The following PDE4D variants were observed in gnomAD, a reference collection of about 807,000 sequenced individuals.
The protein encoded by PDE4D is phosphodiesterase 4D.
Under a neutral mutation model 87.4 loss-of-function variants are expected in PDE4D, and 24 were observed. That is an observed-to-expected ratio of 0.27 (90% CI 0.20 to 0.39). The LOEUF (loss-of-function observed/expected upper bound fraction) is 0.39. PDE4D is among the 10% of genes least tolerant of loss of function. The probability of loss-of-function intolerance (pLI) is 1.00; values close to 1 mark genes in which losing one functional copy is unlikely to be tolerated. For synonymous variants in PDE4D, 384 were observed against 383.2 expected, an observed-to-expected ratio of 1.00 and a Z score of -0.02; for missense variants, 714 against 1,041.0, an observed-to-expected ratio of 0.69 and a Z score of 4.32.
intron 1 of PDE4D, among the ~76,000 whole-genome samples, chr5:60,330,583 A>G (rs908064358): frequency 2.6e-5 from 4 of 152,176 alleles, no homozygotes; most frequent in African/African-American, 9.7e-5. Context: ...TGGAAGAACT[A>G]CAGCCCAGAC....
rs896185785 is a variant in PDE4D at position 59,530,766 on chromosome 5, G to A, written c.456-314798C>T. 1.2e-4 allele frequency among the ~76,000 whole-genome samples: 19 copies of A among 152,246 alleles called. No homozygotes were observed. The South Asian group carries it at 3.5e-3, about 28-fold the overall frequency. On this transcript the variant is annotated intron_variant, in intron 1 of 14. Transcript: ENST00000340635. ...GTTTTTATTTATTTAGCATATGTAA[G>A]CCGGTCTCTAATAACAAAATAATTA...
intron 1 of PDE4D, among the ~76,000 whole-genome samples, chr5:59,832,863 C>T (rs549028045): frequency 6.6e-6 from 1 of 152,044 alleles, no homozygotes; most frequent in East Asian, 1.9e-4. Context: ...CTAGAAAAAG[C>T]TTTAATTTCA....
intron 2 of PDE4D, among the ~76,000 whole-genome samples, chr5:60,122,566 T>A (rs891776241): frequency 3.0e-4 from 45 of 152,188 alleles, no homozygotes; most frequent in African/African-American, 1.1e-3. Context: ...ACAGCTGGAG[T>A]GGCTGGGATG....
At chr5:59,825,279 G>A (rs751135384) in intron 1 of PDE4D, among the ~76,000 whole-genome samples, 3 of 152,126 alleles carry the variant, frequency 2.0e-5, no homozygotes, top group Non-Finnish European at 4.4e-5. Flanking sequence ...TAAGTAAAGG[G>A]TTAGCATCAG....
chr5:59,014,249 C>CCTT (rs529220144), intron 6 of PDE4D, among the ~76,000 whole-genome samples: 29 of 152,248 alleles, frequency 1.9e-4, no homozygotes, highest in Middle Eastern at 3.4e-3. Context: ...GACAGGGATG[C>CCTT]CTTCTCTCAC....
chr5:59,150,247 C>A (rs1779288359), intron 5 of PDE4D, among the ~76,000 whole-genome samples: 1 of 152,136 alleles, frequency 6.6e-6, no homozygotes. Context: ...AGTATCACTG[C>A]AAACTGAGCA....
At chr5:60,066,053 A>C (rs528703351) in intron 2 of PDE4D, among the ~76,000 whole-genome samples, 33 of 152,334 alleles carry the variant, frequency 2.2e-4, no homozygotes, top group African/African-American at 7.9e-4. Flanking sequence ...TCCCACCAAC[A>C]GTGTAAAAGT....
At chr5:59,930,968 G>A (rs1755843926) in intron 3 of PDE4D, among the ~76,000 whole-genome samples, 1 of 152,100 alleles carries the variant, frequency 6.6e-6, no homozygotes, top group Non-Finnish European at 1.5e-5. Flanking sequence ...TACAGTGATT[G>A]TAATAAAAAT....
chr5:59,483,421 T>G (rs1436638127), intron 1 of PDE4D, among the ~76,000 whole-genome samples: 1 of 152,160 alleles, frequency 6.6e-6, no homozygotes, highest in East Asian at 1.9e-4. Flanking sequence ...TGGAATTCCA[T>G]AAAAAATAAT....
At position 60,353,948 on chromosome 5, in the gene PDE4D, CT is replaced by C. The variant is rs1759405862; in HGVS notation, c.-90+133993del. Among the ~76,000 whole-genome samples, 4 of 152,060 alleles carry C rather than the reference CT, an allele frequency of 2.6e-5. No homozygotes were observed. The South Asian group carries it at 8.3e-4, about 31-fold the overall frequency. ...CATTCACGGGATCATATTTAAGCAGCTACTGCATGAATGCTTACTTATAAGA... is the reference window on the plus strand; with the variant it reads ...CATTCACGGGATCATATTTAAGCAGCACTGCATGAATGCTTACTTATAAGA... On this transcript the variant is annotated intron_variant, in intron 1 of 16. Transcript: ENST00000502484.
intron 2 of PDE4D, among the ~76,000 whole-genome samples, chr5:60,080,331 G>A (rs1397004858): frequency 6.6e-6 from 1 of 152,184 alleles, no homozygotes; most frequent in African/African-American, 2.4e-5. Flanking sequence ...TACAAACAGA[G>A]ACAATTTGAC....
intron 1 of PDE4D, among the ~76,000 whole-genome samples, chr5:59,731,117 TA>T (rs564163365): frequency 6.6e-6 from 1 of 151,882 alleles, no homozygotes; most frequent in East Asian, 1.9e-4. Flanking sequence ...TATGTCTAGT[TA>T]AAAAAAACAA....
intron 2 of PDE4D, among the ~76,000 whole-genome samples, chr5:60,045,268 T>G (rs1297039238): frequency 6.6e-6 from 1 of 152,030 alleles, no homozygotes; most frequent in Non-Finnish European, 1.5e-5. Context: ...ATTAGCCCTT[T>G]GTCAGATGAG....
At chr5:59,306,109 C>T (rs1771296288) in intron 1 of PDE4D, among the ~76,000 whole-genome samples, 1 of 152,114 alleles carries the variant, frequency 6.6e-6, no homozygotes, top group Non-Finnish European at 1.5e-5. Context: ...GTGACATATT[C>T]CTGTTGGAGA....
intron 6 of PDE4D, among the ~76,000 whole-genome samples, chr5:59,004,918 C>T (rs1470296150): frequency 6.6e-6 from 1 of 152,208 alleles, no homozygotes; most frequent in Non-Finnish European, 1.5e-5. Flanking sequence ...TTTCAACTGT[C>T]TTCAACTTTG....
chr5:59,638,283 G>A (rs1398882922), intron 1 of PDE4D, among the ~76,000 whole-genome samples: 1 of 152,078 alleles, frequency 6.6e-6, no homozygotes, highest in Non-Finnish European at 1.5e-5. Flanking sequence ...TTTCATAAAA[G>A]CATTTCTATA....
intron 1 of PDE4D, among the ~76,000 whole-genome samples, chr5:59,513,897 T>C (rs895760068): frequency 6.6e-6 from 1 of 152,156 alleles, no homozygotes; most frequent in Admixed American, 6.5e-5. Flanking sequence ...GATTCAGGTA[T>C]AAAGGAAAAC....
intron 6 of PDE4D, among the ~76,000 whole-genome samples, chr5:59,005,658 A>T (rs1751458938): frequency 6.6e-6 from 1 of 152,224 alleles, no homozygotes; most frequent in Admixed American, 6.5e-5. Flanking sequence ...AACATTTACT[A>T]GGCACCTACT....
intron 1 of PDE4D, among the ~76,000 whole-genome samples, chr5:60,270,914 A>G (rs562254231): frequency 6.6e-6 from 1 of 152,332 alleles, no homozygotes; most frequent in South Asian, 2.1e-4. Context: ...GCAAAGATGT[A>G]GCTGAATTTC....
Sources: allele counts gnomAD v4.1 joint callset (sites outside exome capture counted in the v4.1 genomes callset), GRCh38; gene constraint gnomAD v4.1.1; transcripts MANE v1.5; gene names NCBI Gene and HGNC (gene_info 2026-07-23, HGNC 2026-07-21).